The following RUNX1 variants were observed in gnomAD, a reference collection of about 807,000 sequenced individuals.
The protein encoded by RUNX1 is runt-related transcription factor 1.
Under a neutral mutation model 42.8 loss-of-function variants are expected in RUNX1, and 19 were observed. That is an observed-to-expected ratio of 0.44 (90% CI 0.31 to 0.65). The LOEUF (loss-of-function observed/expected upper bound fraction) is 0.65. Among genes scored for constraint, RUNX1 ranks in the 30% least tolerant of loss-of-function variants. The pLI is 0.07. For synonymous variants in RUNX1, 271 were observed against 289.4 expected (o/e 0.94, Z 0.64); for missense variants, 528 against 672.0 (o/e 0.79, Z 2.37).
intron 7 of RUNX1, among the ~76,000 whole-genome samples, chr21:34,812,351 G>A (rs553358539): frequency 6.6e-6 from 1 of 152,222 alleles, no homozygotes; most frequent in Non-Finnish European, 1.5e-5. Context: ...AATTGGGATT[G>A]CAGTGGGTTA....
intron 5 of RUNX1, among the ~76,000 whole-genome samples, chr21:34,879,233 A>G (rs1222578496): frequency 6.6e-6 from 1 of 152,258 alleles, no homozygotes; most frequent in African/African-American, 2.4e-5. Flanking sequence ...CCATTTAATG[A>G]CTTATGCTTT....
intron 2 of RUNX1, among the ~76,000 whole-genome samples, chr21:34,962,842 T>C (rs974408537): frequency 3.3e-5 from 5 of 152,236 alleles, no homozygotes; most frequent in African/African-American, 1.2e-4. Flanking sequence ...GTTGTCACTG[T>C]CCTGACAACC....
Position 34,821,424 on chromosome 21 carries a change from G to T in RUNX1, c.805+12986C>A, listed in dbSNP as rs1173357505. ...GCTTCCCATGTGCTGTGCATCAAGT[G>T]ATTTCTGCAGGCTAACTCATTTAAT... On this transcript the variant is annotated intron_variant, in intron 7 of 8. Coordinates refer to ENST00000675419, the MANE Select transcript of RUNX1 (RefSeq NM_001754.5). 4.5e-6 allele frequency: 6 copies of T among 1,331,286 alleles called. No homozygotes were observed. In the Admixed American group the frequency reaches 1.5e-4, roughly 34 times the overall value. 82.5% of individuals were successfully genotyped at this position (1,331,286 alleles called of 1,614,324 possible). A position where few individuals can be genotyped will look rare whatever the true frequency, so the allele number is the denominator to read the frequency against.
intron 7 of RUNX1, among the ~76,000 whole-genome samples, chr21:34,818,540 G>A (rs1396499476): frequency 6.6e-6 from 1 of 152,042 alleles, no homozygotes; most frequent in Non-Finnish European, 1.5e-5. Flanking sequence ...TGTCTAACAA[G>A]GCCCTCATTG....
chr21:34,875,624 G>C (rs1486671367), intron 5 of RUNX1, among the ~76,000 whole-genome samples: 1 of 152,142 alleles, frequency 6.6e-6, no homozygotes, highest in African/African-American at 2.4e-5. Context: ...CTCTGGGGTG[G>C]TCAGATGAAT....
At chr21:34,994,745 G>C (rs1223095791) in intron 2 of RUNX1, among the ~76,000 whole-genome samples, 1 of 152,182 alleles carries the variant, frequency 6.6e-6, no homozygotes, top group Non-Finnish European at 1.5e-5. Context: ...ATAATGAAGG[G>C]TTTGGTATGT....
At chr21:34,889,845 C>T in intron 3 of RUNX1, 4 of 1,094,716 alleles carry the variant, frequency 3.7e-6, no homozygotes, top group Non-Finnish European at 4.5e-6. Flanking sequence ...CACCATGAGT[C>T]CCTCCACGCC....
In RUNX1 at chr21:34,973,924, C is replaced by G. The variant is rs531317207; in HGVS notation, c.58+74918G>C. On this transcript the variant is annotated intron_variant, in intron 2 of 8. Coordinates refer to ENST00000675419, the MANE Select transcript of RUNX1 (RefSeq NM_001754.5). ...GAAAATTGAGCTTGTTTTCATACTTCCACAAGTGCACTCTTCTAGCCCACT... is the reference window on the plus strand; with the variant it reads ...GAAAATTGAGCTTGTTTTCATACTTGCACAAGTGCACTCTTCTAGCCCACT... Among the ~76,000 whole-genome samples, 9 of 152,198 alleles carry G rather than the reference C, an allele frequency of 5.9e-5. No homozygotes were observed. The South Asian group carries it at 1.4e-3, about 25-fold the overall frequency.
At chr21:34,876,413 T>C (rs1437059349) in intron 5 of RUNX1, among the ~76,000 whole-genome samples, 1 of 152,242 alleles carries the variant, frequency 6.6e-6, no homozygotes, top group Non-Finnish European at 1.5e-5. Context: ...ATATGCGGCA[T>C]AGGGCTAAGC....
At chr21:34,997,153 CA>C (rs1487340337) in intron 2 of RUNX1, among the ~76,000 whole-genome samples, 9 of 152,334 alleles carry the variant, frequency 5.9e-5, no homozygotes, top group Admixed American at 4.6e-4. Context: ...CATTCACTGA[CA>C]GTGAATTAAA....
intron 3 of RUNX1, chr21:34,889,622 C>T (rs1439253493): frequency 3.7e-6 from 4 of 1,071,690 alleles, no homozygotes; most frequent in Non-Finnish European, 4.6e-6. Context: ...CGGAAGCGGC[C>T]CCCGCTCCTC....
chr21:34,928,556 T>C (rs1040993166), intron 2 of RUNX1, among the ~76,000 whole-genome samples: 2 of 151,786 alleles, frequency 1.3e-5, no homozygotes, highest in East Asian at 3.9e-4. Context: ...TAGCTGGGCA[T>C]GGTGGTGCAT....
chr21:34,884,262 G>A (rs1328069419), intron 4 of RUNX1, among the ~76,000 whole-genome samples: 1 of 152,076 alleles, frequency 6.6e-6, no homozygotes, highest in Admixed American at 6.5e-5. Context: ...AAGCAAGTAG[G>A]GTTATTGTAA....
chr21:34,824,156 A>AT (rs892172385), intron 7 of RUNX1, among the ~76,000 whole-genome samples: 33 of 152,102 alleles, frequency 2.2e-4, no homozygotes, highest in Non-Finnish European at 4.7e-4. Flanking sequence ...CCATTGTTCT[A>AT]TTTTTTCTTA....
At chr21:34,924,283 T>C (rs943878043) in intron 2 of RUNX1, among the ~76,000 whole-genome samples, 1 of 152,240 alleles carries the variant, frequency 6.6e-6, no homozygotes, top group Non-Finnish European at 1.5e-5. Context: ...CTAGGCTCTG[T>C]GCTCTGTGTT....
At chr21:34,990,117 G>A (rs8130071) in intron 2 of RUNX1, among the ~76,000 whole-genome samples, 37,353 of 151,908 alleles carry the variant, frequency 0.25, 6,700 homozygotes, top group African/African-American at 0.5. Context: ...CTATCTCTGT[G>A]CTGCTGCACT....
chr21:34,942,310 A>G (rs2058533186), intron 2 of RUNX1, among the ~76,000 whole-genome samples: 1 of 150,278 alleles, frequency 6.7e-6, no homozygotes, highest in African/African-American at 2.5e-5. Context: ...TCTCTAATGC[A>G]CTCAAGCAAA....
chr21:35,002,369 C>T (rs1047870535), intron 2 of RUNX1, among the ~76,000 whole-genome samples: 1 of 150,150 alleles, frequency 6.7e-6, no homozygotes, highest in Non-Finnish European at 1.5e-5. Context: ...GTATCATTTT[C>T]CCACACAGCA....
intron 2 of RUNX1, among the ~76,000 whole-genome samples, chr21:34,961,153 A>G (rs956854569): frequency 8.5e-5 from 13 of 152,114 alleles, no homozygotes; most frequent in Non-Finnish European, 1.8e-4. Context: ...AGATGGATGG[A>G]TCATGAGGTC....
Sources: gnomAD v4.1 joint callset for allele counts (sites outside exome capture counted in the v4.1 genomes callset) on GRCh38, gnomAD v4.1.1 for gene constraint, MANE v1.5 for transcripts, NCBI Gene and HGNC (gene_info 2026-07-23, HGNC 2026-07-21) for gene names.